The following LZTS1 variants were observed in gnomAD, a reference collection of about 807,000 sequenced individuals.
LZTS1 encodes leucine zipper putative tumor suppressor 1.
A neutral mutation model predicts 45.8 loss-of-function variants in LZTS1; 31 were observed. The ratio of observed to expected loss-of-function variants is 0.68; its 90% confidence interval spans 0.51 to 0.91. The LOEUF is 0.91. Among genes scored for constraint, LZTS1 ranks in the 40% least tolerant of loss-of-function variants. The probability of loss-of-function intolerance (pLI) is 0.00; values close to 1 mark genes in which losing one functional copy is unlikely to be tolerated. For missense variants in LZTS1, 821 were observed against 788.9 expected (o/e 1.04, Z -0.49); for synonymous variants, 359 against 357.3 (o/e 1.00, Z -0.05).
At chr8:20,294,261 C>T (rs1800945816) in intron 1 of LZTS1, among the ~76,000 whole-genome samples, 1 of 152,184 alleles carries the variant, frequency 6.6e-6, no homozygotes, top group African/African-American at 2.4e-5. Flanking sequence ...GTCCGAGGTA[C>T]TGGTGGAAGC....
chr8:20,269,284 T>A (rs1800427300), intron 1 of LZTS1, among the ~76,000 whole-genome samples: 1 of 152,074 alleles, frequency 6.6e-6, no homozygotes, highest in Admixed American at 6.5e-5. Context: ...GATACAGATC[T>A]TAAACAGGGG....
chr8:20,301,365 A>G (rs1801074225), intron 1 of LZTS1, among the ~76,000 whole-genome samples: 1 of 152,188 alleles, frequency 6.6e-6, no homozygotes, highest in African/African-American at 2.4e-5. Flanking sequence ...GCAGGGCTGC[A>G]GTGAAAATTA....
intron 1 of LZTS1, among the ~76,000 whole-genome samples, chr8:20,291,630 C>G (rs937183798): frequency 2.7e-5 from 4 of 149,784 alleles, no homozygotes; most frequent in Non-Finnish European, 5.9e-5. Context: ...TGCGATTGAG[C>G]ACCCTTTCTG....
chr8:20,253,629 G>A (rs548077288), intron 2 of LZTS1, 44 bp from the exon 3 acceptor site: 15 of 1,394,524 alleles, frequency 1.1e-5, no homozygotes, highest in East Asian at 2.5e-5. Context: ...TCCCCTGCGC[G>A]CGCATTGCAC....
Position 20,250,096 on chromosome 8 carries a change from G to C in LZTS1, c.1417C>G (p.Gln473Glu), listed in dbSNP as rs1339644979. Residue 473 changes from glutamine (Q) to glutamate (E), a missense_variant, in exon 4 of 4, where the codon CAG becomes GAG. By Grantham distance (29) the Gln-to-Glu change is conservative. Coordinates refer to ENST00000381569, the MANE Select transcript of LZTS1 (RefSeq NM_021020.5). The stretch of plus-strand genomic sequence containing the variant: ...TGGGCCCGCAGCTCCTGCAGCTCCT[G>C]CTCCAGCAGGTTCACCTTCTCCCGC... The part of the protein sequence containing the change: ...LLREKVNLLE[Q>E]ELQELRAQAA... 1 of 1,607,044 alleles carries C rather than the reference G, an allele frequency of 6.2e-7. No homozygotes were observed. The highest frequency in any genetic ancestry group is 2.2e-5 in the East Asian group (1 of 44,840).
chr8:20,272,641 T>C (rs1166423718), intron 1 of LZTS1, among the ~76,000 whole-genome samples: 1 of 152,200 alleles, frequency 6.6e-6, no homozygotes, highest in Non-Finnish European at 1.5e-5. Flanking sequence ...CCACACTCCC[T>C]GCAGACAACT....
chr8:20,292,463 G>A (rs530654830), intron 1 of LZTS1, among the ~76,000 whole-genome samples: 82 of 152,316 alleles, frequency 5.4e-4, no homozygotes, highest in African/African-American at 1.5e-3. Context: ...TGAAAGTACC[G>A]ACTGTTAGCA....
chr8:20,253,781 A>T (rs888690781), intron 2 of LZTS1, among the ~76,000 whole-genome samples, 196 bp from the exon 3 acceptor site: 6 of 152,080 alleles, frequency 3.9e-5, no homozygotes, highest in Non-Finnish European at 8.8e-5. Context: ...AGGAAGGAAA[A>T]ACCCTAATGG....
chr8:20,279,224 A>G (rs1425647238), intron 1 of LZTS1, among the ~76,000 whole-genome samples: 1 of 152,188 alleles, frequency 6.6e-6, no homozygotes, highest in African/African-American at 2.4e-5. Flanking sequence ...AATTGATTTC[A>G]TTCTGTTTCT....
At chr8:20,273,172 G>A (rs982992919) in intron 1 of LZTS1, among the ~76,000 whole-genome samples, 7 of 151,892 alleles carry the variant, frequency 4.6e-5, no homozygotes, top group Non-Finnish European at 1.0e-4. Context: ...TTTCTTTTTC[G>A]GTCTGTGTTT....
chr8:20,295,934 C>T (rs762886737), intron 1 of LZTS1, among the ~76,000 whole-genome samples: 10 of 152,170 alleles, frequency 6.6e-5, no homozygotes, highest in South Asian at 2.1e-4. Flanking sequence ...GCCTCCTTCA[C>T]GCTGTCTTCC....
At position 20,253,674 on chromosome 8, in the gene LZTS1, C is replaced by T. The variant is rs1429967117; in HGVS notation, c.346-89G>A. On this transcript the variant is annotated intron_variant, in intron 2 of 3. Transcript: ENST00000381569. ...CCAGGCACGCGTGCCGACCTTGAGC[C>T]AGTCTGGGCTCTCTGAGCGCACGCA... is the stretch of plus-strand genomic sequence containing the variant. The T allele has an allele frequency of 2.8e-6, 3 of 1,061,060 alleles. No homozygotes were observed. In the African/African-American group the frequency reaches 4.8e-5, roughly 17 times the overall value. The allele number at this position is 1,061,060 out of a possible 1,614,324, so 65.7% of individuals were successfully genotyped here.
At chr8:20,250,955 G>T (rs1799880261) in intron 3 of LZTS1, among the ~76,000 whole-genome samples, 1 of 151,462 alleles carries the variant, frequency 6.6e-6, no homozygotes, top group Non-Finnish European at 1.5e-5. Flanking sequence ...GTGTTATTAA[G>T]TGCCAAGCCA....
chr8:20,247,548 G>A lies in LZTS1; in HGVS notation c.*2174C>T, dbSNP rs867131588. 6.5e-6 allele frequency: 1 copy of A among 152,788 alleles called. No homozygotes were observed. Among genetic ancestry groups the A allele is most frequent in the Admixed American group, 6.5e-5 (1 of 15,288 alleles). 9.5% of individuals were successfully genotyped at this position (152,788 alleles called of 1,614,324 possible). On this transcript the variant is annotated 3_prime_UTR_variant, in exon 4 of 4. Coordinates refer to ENST00000381569, the MANE Select transcript of LZTS1 (RefSeq NM_021020.5). The stretch of plus-strand genomic sequence containing the variant: ...AGGGTACTGCCCTCAGGCAGGGAGG[G>A]ACTTTTGGCTTGTAGATTCCAGGTT...
At chr8:20,303,244 C>CA (rs1171492054) in intron 1 of LZTS1, among the ~76,000 whole-genome samples, 1 of 152,120 alleles carries the variant, frequency 6.6e-6, no homozygotes, top group Non-Finnish European at 1.5e-5. Context: ...TCTCTGGCTG[C>CA]AACGCACCGG....
Position 20,276,752 on chromosome 8 carries a change from A to G in LZTS1, c.-134-21437T>C, listed in dbSNP as rs542526557. On this transcript the variant is annotated intron_variant, in intron 1 of 3. Coordinates refer to ENST00000381569, the MANE Select transcript of LZTS1 (RefSeq NM_021020.5). Reference sequence around the variant, plus strand: ...AATTAATCTCCAGGTAGGTAGTGCCATAAATGAACTGAATGAGAGAACATC... The same window carrying G: ...AATTAATCTCCAGGTAGGTAGTGCCGTAAATGAACTGAATGAGAGAACATC... Among the ~76,000 whole-genome samples, 9 of 152,384 alleles carry G rather than the reference A, an allele frequency of 5.9e-5. No homozygotes were observed. The South Asian group carries it at 8.3e-4, about 14-fold the overall frequency.
chr8:20,300,222 G>T (rs1316905998), intron 1 of LZTS1, among the ~76,000 whole-genome samples: 3 of 152,190 alleles, frequency 2.0e-5, no homozygotes, highest in African/African-American at 7.2e-5. Context: ...CCACTGTTGG[G>T]AACAGTGCTC....
intron 1 of LZTS1, among the ~76,000 whole-genome samples, chr8:20,296,298 G>A (rs74954278): frequency 0.027 from 4,055 of 152,318 alleles, 197 homozygotes; most frequent in African/African-American, 0.092. Flanking sequence ...GAATGGGAGG[G>A]TTTGAGAACA....
Position 20,249,929 on chromosome 8 carries a change from C to G in LZTS1, c.1584G>C (p.Glu528Asp), listed in dbSNP as rs763051947. ...CCTTCTCCTCCTTCCACACGAGCCG[C>G]TCATGCTGGAAGCCCGAGGACATCT... ...HDQMSSGFQH[E>D]RLVWKEEKEK... Residue 528 changes from glutamate (E) to aspartate (D), a missense_variant, in exon 4 of 4, where the codon GAG (glutamate) becomes GAC (aspartate). By Grantham distance (45) the Glu-to-Asp change is conservative (BLOSUM62 2). Transcript: ENST00000381569. 6.2e-7 allele frequency: 1 copy of G among 1,614,208 alleles called. No homozygotes were observed. The highest frequency in any genetic ancestry group is 8.5e-7 in the Non-Finnish European group (1 of 1,180,040).
Sources: allele counts gnomAD v4.1 joint callset (sites outside exome capture counted in the v4.1 genomes callset), GRCh38; gene constraint gnomAD v4.1.1; transcripts MANE v1.5; gene names NCBI Gene and HGNC (gene_info 2026-07-23, HGNC 2026-07-21).